The following SGCZ variants were observed in gnomAD, a reference collection of about 807,000 sequenced individuals.
SGCZ encodes the protein zeta-sarcoglycan.
In SGCZ, 40 loss-of-function variants were observed where a neutral mutation model predicts 41.3. The observed-to-expected ratio is 0.97, with a 90% CI of 0.75 to 1.26. The LOEUF is 1.26. Ranked by LOEUF, SGCZ falls within the 50% of genes most tolerant of loss-of-function variation. The pLI, the probability that SGCZ is intolerant of heterozygous loss-of-function variation, is 0.00. For synonymous variants in SGCZ, 206 were observed against 137.5 expected (o/e 1.50, Z -3.49); for missense variants, 552 against 369.8 (o/e 1.49, Z -4.04).
At chr8:15,076,013 A>G (rs1805516695) in intron 1 of SGCZ, among the ~76,000 whole-genome samples, 1 of 152,230 alleles carries the variant, frequency 6.6e-6, no homozygotes, top group Non-Finnish European at 1.5e-5. Context: ...AAATGTCGAG[A>G]CATAACTTTT....
At chr8:14,430,849 T>G (rs896740335) in intron 2 of SGCZ, among the ~76,000 whole-genome samples, 4 of 152,210 alleles carry the variant, frequency 2.6e-5, no homozygotes, top group Admixed American at 2.0e-4. Flanking sequence ...CAGCAAAGTT[T>G]CCGGATACAA....
intron 1 of SGCZ, among the ~76,000 whole-genome samples, chr8:15,076,655 C>G (rs1805542157): frequency 6.6e-6 from 1 of 152,096 alleles, no homozygotes; most frequent in Admixed American, 6.5e-5. Context: ...AATCCCAAAC[C>G]AGCCAGAAGG....
At chr8:14,132,846 T>C (rs966859302) in intron 5 of SGCZ, among the ~76,000 whole-genome samples, 2 of 152,198 alleles carry the variant, frequency 1.3e-5, no homozygotes, top group African/African-American at 4.8e-5. Flanking sequence ...TTTGTTGTTG[T>C]TGACACTTTT....
At chr8:14,775,546 CT>C (rs1800378035) in intron 1 of SGCZ, among the ~76,000 whole-genome samples, 1 of 151,408 alleles carries the variant, frequency 6.6e-6, no homozygotes, top group Admixed American at 6.6e-5. Context: ...ACAAAATATA[CT>C]GGTTCCACCT....
chr8:14,979,287 T>C (rs1231847003), intron 1 of SGCZ, among the ~76,000 whole-genome samples: 1 of 152,236 alleles, frequency 6.6e-6, no homozygotes, highest in African/African-American at 2.4e-5. Flanking sequence ...ACTGTAATAC[T>C]CACAAATTTC....
At chr8:14,623,341 G>C (rs1190678995) in intron 1 of SGCZ, among the ~76,000 whole-genome samples, 1 of 152,126 alleles carries the variant, frequency 6.6e-6, no homozygotes, top group Non-Finnish European at 1.5e-5. Context: ...AATAGTACTT[G>C]AATATTTTTG....
chr8:14,865,112 T>C (rs925285440), intron 1 of SGCZ, among the ~76,000 whole-genome samples: 4 of 152,200 alleles, frequency 2.6e-5, no homozygotes, highest in African/African-American at 9.6e-5. Context: ...AAATGTGCAA[T>C]AGTTCCTGCT....
At chr8:14,905,093 A>G (rs1025161964) in intron 1 of SGCZ, among the ~76,000 whole-genome samples, 3 of 152,038 alleles carry the variant, frequency 2.0e-5, no homozygotes, top group Non-Finnish European at 4.4e-5. Flanking sequence ...TCCCAGTCAC[A>G]AATTATAAGG....
chr8:14,628,511 A>G (rs576597396), intron 1 of SGCZ, among the ~76,000 whole-genome samples: 2 of 152,188 alleles, frequency 1.3e-5, no homozygotes, highest in Non-Finnish European at 2.9e-5. Context: ...CAAACCTGCT[A>G]CACCCAGGCC....
intron 2 of SGCZ, among the ~76,000 whole-genome samples, chr8:14,476,844 C>G (rs11995701): frequency 6.6e-6 from 1 of 152,090 alleles, no homozygotes; most frequent in Non-Finnish European, 1.5e-5. Context: ...TTGTCTTAGA[C>G]AATCAGTCCC....
chr8:14,314,330 T>A (rs1435580678), intron 3 of SGCZ, among the ~76,000 whole-genome samples: 1 of 152,138 alleles, frequency 6.6e-6, no homozygotes, highest in Non-Finnish European at 1.5e-5. Context: ...GCTGAAACTA[T>A]CTCATACTTT....
intron 1 of SGCZ, among the ~76,000 whole-genome samples, chr8:15,096,130 T>A (rs1435935910): frequency 2.2e-4 from 33 of 152,058 alleles, no homozygotes; most frequent in Non-Finnish European, 7.3e-5. Flanking sequence ...CAGGCTGGAG[T>A]GCAATGATGC....
chr8:14,897,870 G>T (rs572125405), intron 1 of SGCZ, among the ~76,000 whole-genome samples: 2 of 152,184 alleles, frequency 1.3e-5, no homozygotes, highest in South Asian at 4.2e-4. Flanking sequence ...AATCACTCAG[G>T]AAACACTTGA....
At chr8:14,503,391 C>G (rs748827931) in intron 2 of SGCZ, among the ~76,000 whole-genome samples, 3 of 152,052 alleles carry the variant, frequency 2.0e-5, no homozygotes, top group Non-Finnish European at 4.4e-5. Context: ...ACGTGCATAC[C>G]TATGTAACAA....
At chr8:14,923,180 C>T (rs887887438) in intron 1 of SGCZ, among the ~76,000 whole-genome samples, 3 of 152,162 alleles carry the variant, frequency 2.0e-5, no homozygotes, top group African/African-American at 7.2e-5. Flanking sequence ...AGATTTGGTT[C>T]CTCTACTCTC....
intron 1 of SGCZ, among the ~76,000 whole-genome samples, chr8:15,090,400 C>T (rs550826220): frequency 6.6e-6 from 1 of 152,284 alleles, no homozygotes; most frequent in African/African-American, 2.4e-5. Context: ...CAGCTTCATG[C>T]TGATATCTGG....
At chr8:14,946,177 T>C (rs1585402112) in intron 1 of SGCZ, among the ~76,000 whole-genome samples, 1 of 150,072 alleles carries the variant, frequency 6.7e-6, no homozygotes, top group Non-Finnish European at 1.5e-5. Context: ...GGAAAGGATA[T>C]TGATGTCACT....
chr8:14,803,627 T>A (rs542175512), intron 1 of SGCZ, among the ~76,000 whole-genome samples: 46 of 152,102 alleles, frequency 3.0e-4, no homozygotes, highest in African/African-American at 1.1e-3. Context: ...GAGATCAAAC[T>A]GCAAGGTGGC....
At position 14,626,679 on chromosome 8, in the gene SGCZ, G is replaced by A. The variant is rs143952628; in HGVS notation, c.40-71753C>T. Among the ~76,000 whole-genome samples, 54 of 152,150 alleles carry A rather than the reference G, an allele frequency of 3.5e-4. 2 individuals are homozygous for A. The highest frequency in any genetic ancestry group is 1.2e-3 in the African/African-American group (51 of 41,504). The stretch of plus-strand genomic sequence containing the variant: ...ACAGGGAAAATATCATGAAAAGATT[G>A]GAGCTTATGCTACCACAAGCCAAAA... On this transcript the variant is annotated intron_variant, in intron 1 of 7. Coordinates refer to ENST00000382080, the MANE Select transcript of SGCZ (RefSeq NM_139167.4).
Sources: gnomAD v4.1 joint callset for allele counts (sites outside exome capture counted in the v4.1 genomes callset) on GRCh38, gnomAD v4.1.1 for gene constraint, MANE v1.5 for transcripts, NCBI Gene and HGNC (gene_info 2026-07-23, HGNC 2026-07-21) for gene names.